PIP4K2A: variants seen among roughly 807,000 people sequenced by gnomAD.
The protein encoded by PIP4K2A is phosphatidylinositol 5-phosphate 4-kinase type-2 alpha.
A neutral mutation model predicts 42.9 loss-of-function variants in PIP4K2A; 14 were observed. The observed-to-expected ratio is 0.33, with a 90% confidence interval of 0.22 to 0.51. The LOEUF (loss-of-function observed/expected upper bound fraction) is 0.51. Among genes scored for constraint, PIP4K2A ranks in the 20% least tolerant of loss-of-function variants. The pLI, the probability that PIP4K2A is intolerant of heterozygous loss-of-function variation, is 0.97. For synonymous variants in PIP4K2A, 192 were observed against 192.2 expected (o/e 1.00, Z 0.01); for missense variants, 434 against 519.8 (o/e 0.83, Z 1.61).
Position 22,567,397 on chromosome 10 carries a change from T to C in PIP4K2A, c.678+454A>G, listed in dbSNP as rs1836870295. On this transcript the variant is annotated intron_variant, in intron 6 of 9. Transcript: ENST00000376573. ...CATGTCTTAATAGTTGGAAAGGAGT[T>C]TGAGGCTCATCCAAGCCAACATACT... The C allele has an allele frequency of 8.9e-6, 3 of 338,346 alleles. No homozygotes were observed. In the Admixed American group the frequency reaches 1.2e-4, roughly 13 times the overall value. The allele number at this position is 338,346 out of a possible 1,614,324, so 21.0% of individuals were successfully genotyped here.
intron 1 of PIP4K2A, among the ~76,000 whole-genome samples, chr10:22,642,601 AGTGT>A (rs1025105226): frequency 5.3e-3 from 104 of 19,538 alleles, no homozygotes; most frequent in African/African-American, 0.019. Context: ...TAAACAGATC[AGTGT>A]GTGTGTCTCT....
chr10:22,614,272 A>G lies in PIP4K2A; in HGVS notation c.145-4555T>C. On this transcript the variant is annotated intron_variant, in intron 1 of 9. Transcript: ENST00000376573. ...CAAGAAGAAAAATCAAATGGTTTAC[A>G]TGGAATCATAAGATGCTGAAATTAA... Among the ~76,000 whole-genome samples the G allele has an allele frequency of 1.3e-5, 2 of 152,260 alleles. 1 individual carries two copies. The highest frequency in any genetic ancestry group is 3.8e-4 in the East Asian group (2 of 5,204).
chr10:22,692,905 G>A (rs557873527), intron 1 of PIP4K2A, among the ~76,000 whole-genome samples: 4 of 152,268 alleles, frequency 2.6e-5, no homozygotes, highest in Admixed American at 1.3e-4. Context: ...TGTTCGTCAA[G>A]GAATCATTTA....
At chr10:22,674,730 C>T (rs1016199792) in intron 1 of PIP4K2A, among the ~76,000 whole-genome samples, 1 of 151,588 alleles carries the variant, frequency 6.6e-6, no homozygotes, top group African/African-American at 2.4e-5. Flanking sequence ...ATGCTTGAGG[C>T]CAAGATTTCA....
chr10:22,672,459 T>C (rs1839474313), intron 1 of PIP4K2A, among the ~76,000 whole-genome samples: 1 of 152,264 alleles, frequency 6.6e-6, no homozygotes, highest in African/African-American at 2.4e-5. Flanking sequence ...GTTTCTGATA[T>C]GTGCATATTT....
intron 1 of PIP4K2A, among the ~76,000 whole-genome samples, chr10:22,655,125 C>A (rs567901354): frequency 2.0e-5 from 3 of 152,166 alleles, no homozygotes; most frequent in Admixed American, 2.0e-4. Flanking sequence ...GGAAATTGTG[C>A]CTCAAGAGGC....
chr10:22,680,155 C>A (rs908290729), intron 1 of PIP4K2A, among the ~76,000 whole-genome samples: 1 of 151,882 alleles, frequency 6.6e-6, no homozygotes, highest in Non-Finnish European at 1.5e-5. Flanking sequence ...AGACCATGCA[C>A]TACTTTTGAA....
chr10:22,606,292 CA>C (rs1326028405), intron 3 of PIP4K2A, among the ~76,000 whole-genome samples: 1 of 152,138 alleles, frequency 6.6e-6, no homozygotes, highest in African/African-American at 2.4e-5. Flanking sequence ...GCCTGGGCAA[CA>C]GAGCAAGACC....
intron 1 of PIP4K2A, among the ~76,000 whole-genome samples, chr10:22,670,474 A>G (rs146659515): frequency 6.6e-6 from 1 of 152,230 alleles, no homozygotes. Context: ...TGGGGTGTTC[A>G]CTACAAAGAC....
chr10:22,597,129 T>C (rs1837652688), intron 3 of PIP4K2A, among the ~76,000 whole-genome samples: 1 of 152,216 alleles, frequency 6.6e-6, no homozygotes, highest in Admixed American at 6.5e-5. Context: ...TACAAAGCTA[T>C]CTGAACTCAT....
intron 1 of PIP4K2A, among the ~76,000 whole-genome samples, chr10:22,615,853 A>G (rs1462070737): frequency 6.6e-6 from 1 of 152,172 alleles, no homozygotes; most frequent in African/African-American, 2.4e-5. Context: ...ACAGGCCTGT[A>G]AAACAAGTGT....
At chr10:22,592,975 TGATA>T (rs1211953324) in intron 3 of PIP4K2A, among the ~76,000 whole-genome samples, 1 of 152,206 alleles carries the variant, frequency 6.6e-6, no homozygotes, top group East Asian at 1.9e-4. Flanking sequence ...GAGGGGCAGG[TGATA>T]GATAGCTCTG....
intron 1 of PIP4K2A, among the ~76,000 whole-genome samples, chr10:22,638,884 T>C (rs911402757): frequency 6.6e-6 from 1 of 152,084 alleles, no homozygotes; most frequent in African/African-American, 2.4e-5. Context: ...CTTACTTGGT[T>C]AAAATCTTAA....
chr10:22,546,226 T>A (rs773751545), intron 7 of PIP4K2A, among the ~76,000 whole-genome samples: 6 of 152,132 alleles, frequency 3.9e-5, no homozygotes, highest in Non-Finnish European at 7.3e-5. Flanking sequence ...ATAATGAAAC[T>A]GAGAGAAAAA....
intron 1 of PIP4K2A, among the ~76,000 whole-genome samples, chr10:22,675,062 T>G (rs557565994): frequency 1.4e-4 from 21 of 152,216 alleles, no homozygotes; most frequent in Admixed American, 3.9e-4. Flanking sequence ...ACTTTATTGC[T>G]TTAAGAGGGC....
At position 22,613,176 on chromosome 10, in the gene PIP4K2A, C is replaced by T. The variant is rs138881958; in HGVS notation, c.145-3459G>A. ...ACTGGGAAATGTCAGCCAGATTGAA[C>T]GGCACAGGAGGTCCTTGGCAACCTT... On this transcript the variant is annotated intron_variant, in intron 1 of 9. Coordinates refer to ENST00000376573, the MANE Select transcript of PIP4K2A (RefSeq NM_005028.5). Among the ~76,000 whole-genome samples the T allele has an allele frequency of 1.8e-3, 269 of 151,948 alleles. 1 individual carries two copies. Among genetic ancestry groups the T allele is most frequent in the African/African-American group, 6.3e-3 (262 of 41,412 alleles).
chr10:22,559,175 G>C (rs985861445), intron 6 of PIP4K2A, among the ~76,000 whole-genome samples: 8 of 152,166 alleles, frequency 5.3e-5, no homozygotes, highest in Non-Finnish European at 7.3e-5. Context: ...TAGATCTCTG[G>C]TTTAATACTA....
At chr10:22,677,731 C>T (rs1839585537) in intron 1 of PIP4K2A, among the ~76,000 whole-genome samples, 1 of 152,198 alleles carries the variant, frequency 6.6e-6, no homozygotes, top group Non-Finnish European at 1.5e-5. Context: ...ACTTAGCTTA[C>T]TTAGTTCATG....
intron 1 of PIP4K2A, among the ~76,000 whole-genome samples, chr10:22,692,396 T>C (rs1260821825): frequency 6.6e-6 from 1 of 152,118 alleles, no homozygotes; most frequent in African/African-American, 2.4e-5. Context: ...TGTGGCCCAG[T>C]TCCTAACAGG....
Sources: allele counts gnomAD v4.1 joint callset (sites outside exome capture counted in the v4.1 genomes callset), GRCh38; gene constraint gnomAD v4.1.1; transcripts MANE v1.5; gene names NCBI Gene and HGNC (gene_info 2026-07-23, HGNC 2026-07-21).